The following UNC13C variants were observed in gnomAD, a reference collection of about 807,000 sequenced individuals.
The protein encoded by UNC13C is unc-13 homolog C.
In UNC13C, 174 loss-of-function variants were observed where a neutral mutation model predicts 245.4. The observed-to-expected ratio is 0.71, with a 90% CI of 0.63 to 0.80. The LOEUF (loss-of-function observed/expected upper bound fraction) is 0.80, where lower values mean the gene tolerates loss of function less well. UNC13C is among the 30% of genes least tolerant of loss of function. The probability of loss-of-function intolerance (pLI) is 0.00; values close to 1 mark genes in which losing one functional copy is unlikely to be tolerated. For synonymous variants in UNC13C, 992 were observed against 895.1 expected (o/e 1.11, Z -1.93); for missense variants, 2,829 against 2,602.9 (o/e 1.09, Z -1.89).
At chr15:54,625,070 C>T (rs1328299970) in intron 32 of UNC13C, among the ~76,000 whole-genome samples, 1 of 152,020 alleles carries the variant, frequency 6.6e-6, no homozygotes, top group African/African-American at 2.4e-5. Context: ...GTATACATTT[C>T]AAGTATACAT....
chr15:53,938,776 A>G, the UNC13C span, among the ~76,000 whole-genome samples: 2 of 152,226 alleles, frequency 1.3e-5, no homozygotes, highest in Non-Finnish European at 2.9e-5. Context: ...AATGAAATTA[A>G]GGCAGAAATC....
intron 4 of UNC13C, among the ~76,000 whole-genome samples, chr15:54,167,555 T>A (rs1326245047): frequency 7.1e-5 from 7 of 99,082 alleles, no homozygotes; most frequent in Admixed American, 1.2e-4. Context: ...CTTGAACAGA[T>A]GGTGCTAGAA....
intron 17 of UNC13C, among the ~76,000 whole-genome samples, chr15:54,347,678 T>A (rs11634047): frequency 6.6e-6 from 1 of 152,152 alleles, no homozygotes. Flanking sequence ...TACAGATAGA[T>A]GAATGCAGAG....
At chr15:54,431,270 A>G (rs575967316) in intron 19 of UNC13C, among the ~76,000 whole-genome samples, 18 of 151,788 alleles carry the variant, frequency 1.2e-4, no homozygotes, top group Non-Finnish European at 2.4e-4. Context: ...TTGTGTCGCC[A>G]TATTGGGGGA....
chr15:53,838,449 T>A, the UNC13C span, among the ~76,000 whole-genome samples: 724 of 152,132 alleles, frequency 4.8e-3, 5 homozygotes, highest in South Asian at 0.016. Context: ...TTTTATCAGG[T>A]TAAATGTGCT....
Position 54,528,719 on chromosome 15 carries a change from GA to G in UNC13C, c.5546+3086del, listed in dbSNP as rs557969613. 2.7e-3 allele frequency among the ~76,000 whole-genome samples: 412 copies of G among 152,004 alleles called. 3 individuals carry two copies. The highest frequency in any genetic ancestry group is 0.02 in the Middle Eastern group (6 of 294). ...TCTCCCCACCCCAATGCACTGATTC[GA>G]AAATCAGTGCAAAAGAAAGTAGTCA... On this transcript the variant is annotated intron_variant, in intron 25 of 32. Transcript: ENST00000260323.
intron 2 of UNC13C, among the ~76,000 whole-genome samples, chr15:54,060,348 C>A (rs1292857688): frequency 6.6e-6 from 1 of 152,072 alleles, no homozygotes. Context: ...ATTTATGCAG[C>A]CAACAGACAC....
chr15:54,398,101 A>G (rs2040108070), intron 18 of UNC13C, among the ~76,000 whole-genome samples: 1 of 151,386 alleles, frequency 6.6e-6, no homozygotes, highest in Non-Finnish European at 1.5e-5. Context: ...TTCATGGATA[A>G]TGCTTTATCA....
At chr15:54,322,884 T>C (rs1043377534) in intron 14 of UNC13C, among the ~76,000 whole-genome samples, 8 of 152,016 alleles carry the variant, frequency 5.3e-5, no homozygotes, top group Non-Finnish European at 1.5e-5. Context: ...GCATTTGGTA[T>C]GTTTGGGGAC....
intron 24 of UNC13C, among the ~76,000 whole-genome samples, chr15:54,517,448 G>A (rs970875791): frequency 3.9e-5 from 6 of 152,054 alleles, no homozygotes; most frequent in Non-Finnish European, 5.9e-5. Context: ...TTTAATGCCT[G>A]GGGTCTCAAG....
At chr15:54,091,944 T>C (rs1899597439) in intron 2 of UNC13C, among the ~76,000 whole-genome samples, 1 of 152,356 alleles carries the variant, frequency 6.6e-6, no homozygotes, top group East Asian at 1.9e-4. Context: ...CTTAGTATTT[T>C]TTCAAGAACA....
chr15:54,039,744 A>G (rs1896734485), intron 2 of UNC13C, among the ~76,000 whole-genome samples: 1 of 151,966 alleles, frequency 6.6e-6, no homozygotes, highest in Non-Finnish European at 1.5e-5. Context: ...ACTCTAGCCT[A>G]TTAGGATGTA....
Position 54,442,073 on chromosome 15 carries a change from TAG to T in UNC13C, c.4933+27009_4933+27010del, listed in dbSNP as rs542591988. 7.2e-5 allele frequency among the ~76,000 whole-genome samples: 11 copies of T among 152,136 alleles called. No homozygotes were observed. The South Asian group carries it at 1.2e-3, about 17-fold the overall frequency. On this transcript the variant is annotated intron_variant, in intron 19 of 32. Transcript: ENST00000260323. The stretch of plus-strand genomic sequence containing the variant: ...TGTATACATTTTAAGAATTTTCTGA[TAG>T]AGTCTTTTATTCTTTTCCAAATATA...
the UNC13C span, among the ~76,000 whole-genome samples, chr15:53,915,080 C>A: frequency 6.6e-6 from 1 of 152,128 alleles, no homozygotes; most frequent in Non-Finnish European, 1.5e-5. Context: ...TCAGCCCTTT[C>A]CTCACAGGAG....
chr15:53,906,708 T>C, the UNC13C span, among the ~76,000 whole-genome samples: 1 of 152,172 alleles, frequency 6.6e-6, no homozygotes, highest in Non-Finnish European at 1.5e-5. Flanking sequence ...CCTGTATTAG[T>C]CCATTCTCAC....
At chr15:53,935,563 G>T in the UNC13C span, among the ~76,000 whole-genome samples, 1 of 152,180 alleles carries the variant, frequency 6.6e-6, no homozygotes, top group African/African-American at 2.4e-5. Context: ...TACAGTCCAT[G>T]GTTCTCATGG....
At chr15:54,045,342 C>T (rs1465282185) in intron 2 of UNC13C, among the ~76,000 whole-genome samples, 1 of 152,084 alleles carries the variant, frequency 6.6e-6, no homozygotes, top group East Asian at 1.9e-4. Flanking sequence ...TTTAACAACC[C>T]TGTTAAAAAT....
intron 2 of UNC13C, among the ~76,000 whole-genome samples, chr15:54,107,108 A>G (rs1448772399): frequency 6.6e-6 from 1 of 152,218 alleles, no homozygotes; most frequent in Non-Finnish European, 1.5e-5. Context: ...AAGTTAGAAA[A>G]TACATTATTA....
At chr15:54,111,179 G>A (rs188011813) in intron 2 of UNC13C, among the ~76,000 whole-genome samples, 15 of 152,270 alleles carry the variant, frequency 9.9e-5, no homozygotes, top group African/African-American at 3.4e-4. Flanking sequence ...TGTTTATGTA[G>A]TACAATAAGA....
Sources: gnomAD v4.1 joint callset for allele counts (sites outside exome capture counted in the v4.1 genomes callset) on GRCh38, gnomAD v4.1.1 for gene constraint, MANE v1.5 for transcripts, NCBI Gene and HGNC (gene_info 2026-07-23, HGNC 2026-07-21) for gene names.